IMPA2: variants seen among roughly 807,000 people sequenced by gnomAD.
IMPA2 encodes the protein inositol monophosphatase 2.
In IMPA2, 32 loss-of-function variants were observed where a neutral mutation model predicts 35.1. The ratio of observed to expected loss-of-function variants is 0.91; its 90% CI spans 0.69 to 1.23. IMPA2 has a LOEUF of 1.23. Ranked by LOEUF, IMPA2 falls within the 50% of genes most tolerant of loss-of-function variation. The pLI, the probability that IMPA2 is intolerant of heterozygous loss-of-function variation, is 0.00. For synonymous variants in IMPA2, 135 were observed against 160.6 expected (o/e 0.84, Z 1.20); for missense variants, 334 against 387.6 (o/e 0.86, Z 1.16).
chr18:12,017,755 A>AT (rs1218214092), intron 5 of IMPA2: 4 of 327,458 alleles, frequency 1.2e-5, no homozygotes, highest in East Asian at 1.1e-4. Flanking sequence ...CATCTGGCTA[A>AT]TTTTTTTGTA....
intron 1 of IMPA2, among the ~76,000 whole-genome samples, chr18:11,995,351 A>AT (rs1906931251): frequency 6.6e-6 from 1 of 152,244 alleles, no homozygotes; most frequent in African/African-American, 2.4e-5. Flanking sequence ...CGGAAGTTGC[A>AT]GGTCTTGCTT....
At chr18:12,013,124 TG>T (rs1432626776) in intron 4 of IMPA2, among the ~76,000 whole-genome samples, 1 of 152,318 alleles carries the variant, frequency 6.6e-6, no homozygotes, top group African/African-American at 2.4e-5. Context: ...AAGGGGCTGC[TG>T]GAACAGCTGG....
chr18:12,028,613 A>G, intron 6 of IMPA2: 1 of 553,962 alleles, frequency 1.8e-6, no homozygotes, highest in Non-Finnish European at 3.2e-6. Context: ...GGTGCTCAGT[A>G]GCTAGGTCAG....
chr18:11,990,359 A>G (rs58386826), intron 1 of IMPA2, among the ~76,000 whole-genome samples: 57,197 of 151,530 alleles, frequency 0.38, 12,111 homozygotes, highest in East Asian at 0.61. Flanking sequence ...GTCTTTAGAA[A>G]AAAAGCAGGA....
intron 1 of IMPA2, among the ~76,000 whole-genome samples, chr18:11,992,228 T>A (rs1906836147): frequency 6.6e-6 from 1 of 152,234 alleles, no homozygotes; most frequent in Non-Finnish European, 1.5e-5. Context: ...CATTCACTTG[T>A]GTTGCAGTAA....
intron 5 of IMPA2, among the ~76,000 whole-genome samples, chr18:12,027,590 T>TTTTTA (rs1555647332): frequency 5.4e-5 from 7 of 129,100 alleles, no homozygotes; most frequent in East Asian, 2.9e-4. Flanking sequence ...TTTTTTTTTT[T>TTTTTA]AAAGAAACAG....
chr18:12,011,043 T>C (rs562488357), intron 3 of IMPA2, among the ~76,000 whole-genome samples: 17 of 152,166 alleles, frequency 1.1e-4, no homozygotes, highest in Non-Finnish European at 2.4e-4. Flanking sequence ...GCCTCATTAC[T>C]TCTGCCTGCT....
chr18:12,001,375 G>A (rs1038272065), intron 2 of IMPA2, among the ~76,000 whole-genome samples: 6 of 152,084 alleles, frequency 3.9e-5, no homozygotes, highest in African/African-American at 9.7e-5. Flanking sequence ...AGGTTTCTGC[G>A]GTGATGATCC....
At chr18:11,988,529 T>C (rs1906727719) in intron 1 of IMPA2, among the ~76,000 whole-genome samples, 1 of 152,204 alleles carries the variant, frequency 6.6e-6, no homozygotes, top group East Asian at 1.9e-4. Flanking sequence ...TGTGGGACAC[T>C]AGGGAGACCA....
chr18:12,003,279 C>T (rs9955982), intron 2 of IMPA2, among the ~76,000 whole-genome samples: 63,534 of 152,040 alleles, frequency 0.42, 15,651 homozygotes, highest in African/African-American at 0.66. Context: ...GGGCCTCGAA[C>T]TCCTCACCTG....
At chr18:12,015,235 C>T (rs892149027) in intron 5 of IMPA2, among the ~76,000 whole-genome samples, 1 of 152,300 alleles carries the variant, frequency 6.6e-6, no homozygotes, top group Middle Eastern at 3.4e-3. Flanking sequence ...GCAGGGCCCC[C>T]CATCTCATTC....
At chr18:12,001,119 C>T (rs1598690835) in intron 2 of IMPA2, among the ~76,000 whole-genome samples, 2 of 151,728 alleles carry the variant, frequency 1.3e-5, no homozygotes, top group East Asian at 3.9e-4. Context: ...ATTCCAGCTA[C>T]TCGGGAGGCT....
At chr18:11,990,881 C>T (rs1906793740) in intron 1 of IMPA2, among the ~76,000 whole-genome samples, 5 of 152,194 alleles carry the variant, frequency 3.3e-5, no homozygotes, top group South Asian at 2.1e-4. Context: ...TTTTTGCCTC[C>T]GTTTCCTCAT....
At chr18:12,026,051 T>G (rs972705241) in intron 5 of IMPA2, among the ~76,000 whole-genome samples, 3 of 109,088 alleles carry the variant, frequency 2.8e-5, no homozygotes, top group East Asian at 2.8e-4. Flanking sequence ...TTTTTTTTTT[T>G]GAGATGGAGT....
intron 1 of IMPA2, chr18:11,994,399 T>TAACAC (rs1240551452): frequency 6.6e-6 from 1 of 152,128 alleles, no homozygotes; most frequent in African/African-American, 2.4e-5. Context: ...CAACAGAGCA[T>TAACAC]AACACAACAC....
chr18:11,988,991 T>C (rs994007707), intron 1 of IMPA2, among the ~76,000 whole-genome samples: 6 of 152,138 alleles, frequency 3.9e-5, no homozygotes, highest in Non-Finnish European at 8.8e-5. Context: ...CTGGATAATA[T>C]GTATTTTTTA....
At chr18:12,017,534 G>T in intron 5 of IMPA2, 1 of 334,730 alleles carries the variant, frequency 3.0e-6, no homozygotes, top group Non-Finnish European at 5.7e-6. Flanking sequence ...CTGTTCCTGG[G>T]TCAGTCTTTG....
intron 4 of IMPA2, chr18:12,012,451 C>T (rs1013523788): frequency 7.2e-6 from 4 of 557,424 alleles, no homozygotes; most frequent in African/African-American, 1.9e-5. Context: ...GGGCTGGCCT[C>T]GTGTCAACCG....
At chr18:11,996,999 A>AAC (rs544635466) in intron 1 of IMPA2, among the ~76,000 whole-genome samples, 1,900 of 150,084 alleles carry the variant, frequency 0.013, 36 homozygotes, top group African/African-American at 0.043. Context: ...ACACCACAGC[A>AAC]ACACACACAC....
Sources: allele counts gnomAD v4.1 joint callset (sites outside exome capture counted in the v4.1 genomes callset), GRCh38; gene constraint gnomAD v4.1.1; transcripts MANE v1.5; gene names NCBI Gene and HGNC (gene_info 2026-07-23, HGNC 2026-07-21).